The following DLGAP4 variants were observed in gnomAD, a reference collection of about 807,000 sequenced individuals.
DLGAP4 encodes the protein DLG associated protein 4, also known as disks large-associated protein 4.
DLGAP4 carries 18 observed loss-of-function variants against 86.9 expected under a neutral mutation model. The observed-to-expected ratio is 0.21, with a 90% CI of 0.14 to 0.31. The LOEUF is 0.31. Among genes scored for constraint, DLGAP4 ranks in the 10% least tolerant of loss-of-function variants. The pLI is 1.00. For synonymous variants in DLGAP4, 548 were observed against 574.3 expected (o/e 0.95, Z 0.65); for missense variants, 1,085 against 1,362.6 (o/e 0.80, Z 3.21).
At chr20:36,501,724 A>G (rs544720723) in intron 10 of DLGAP4, among the ~76,000 whole-genome samples, 1 of 152,236 alleles carries the variant, frequency 6.6e-6, no homozygotes, top group Admixed American at 6.5e-5. Flanking sequence ...CATCCCATAC[A>G]TGATGGAGGG....
In DLGAP4 at chr20:36,497,496, T is replaced by C. The variant is rs1227905128; in HGVS notation, c.2010+430T>C. On this transcript the variant is annotated intron_variant, in intron 8 of 12. Transcript: ENST00000339266. The stretch of plus-strand genomic sequence containing the variant: ...GCCCCGCTTGGCGGCAGGAGCAGCA[T>C]GGAGCATAGACGCTGTTGGGCCAGG... 6 of 1,019,034 alleles carry C rather than the reference T, an allele frequency of 5.9e-6. No individual in the cohort carries two copies. The East Asian group carries it at 5.7e-4, about 97-fold the overall frequency. 63.1% of individuals were successfully genotyped at this position (1,019,034 alleles called of 1,614,324 possible). A position where few individuals can be genotyped will look rare whatever the true frequency, so the allele number is the denominator to read the frequency against.
rs369487613 is a variant in DLGAP4, at chr20:36,462,617, C to T, written c.1648+15680C>T. ...GAAGCAATGTGAGTGGTGGGGTGTC[C>T]GGGTCGGGCCGGAGTTGGCCCGCAG... On this transcript the variant is annotated intron_variant, in intron 7 of 12. Coordinates refer to ENST00000339266, the MANE Select transcript of DLGAP4 (RefSeq NM_001365621.2). 286 of 1,586,904 alleles carry T rather than the reference C, an allele frequency of 1.8e-4. 2 individuals carry two copies. The highest frequency in any genetic ancestry group is 1.3e-3 in the Middle Eastern group (8 of 5,968).
chr20:36,520,466 AC>A (rs1306188127), intron 10 of DLGAP4, among the ~76,000 whole-genome samples: 1 of 150,528 alleles, frequency 6.6e-6, no homozygotes, highest in Non-Finnish European at 1.5e-5. Context: ...CTGCCTCAGC[AC>A]CCCCGAGTAG....
chr20:36,398,742 C>T (rs978662702), intron 2 of DLGAP4, among the ~76,000 whole-genome samples: 1 of 152,244 alleles, frequency 6.6e-6, no homozygotes, highest in African/African-American at 2.4e-5. Flanking sequence ...CAAGGTCACA[C>T]AGCTCCAAAT....
intron 1 of DLGAP4, among the ~76,000 whole-genome samples, chr20:36,317,355 C>G (rs1336718265): frequency 6.8e-6 from 1 of 147,196 alleles, no homozygotes; most frequent in Non-Finnish European, 1.5e-5. Context: ...TTCCTTCTCT[C>G]TTTCTTTCTT....
At chr20:36,344,950 C>A (rs2029892452) in intron 1 of DLGAP4, among the ~76,000 whole-genome samples, 1 of 152,208 alleles carries the variant, frequency 6.6e-6, no homozygotes, top group Admixed American at 6.5e-5. Flanking sequence ...CACCTCCACA[C>A]CCCTCCTGGG....
intron 1 of DLGAP4, among the ~76,000 whole-genome samples, chr20:36,327,379 C>T (rs1047434024): frequency 2.0e-5 from 3 of 151,856 alleles, no homozygotes; most frequent in Non-Finnish European, 2.9e-5. Context: ...ATTTTTTGTC[C>T]TTGGGTTCAT....
At chr20:36,410,210 C>T (rs2032459880) in intron 2 of DLGAP4, among the ~76,000 whole-genome samples, 1 of 152,084 alleles carries the variant, frequency 6.6e-6, no homozygotes, top group Non-Finnish European at 1.5e-5. Context: ...CCTGCCTCTA[C>T]CACCTCAAGC....
chr20:36,520,820 TTA>T (rs2037334352), intron 10 of DLGAP4, among the ~76,000 whole-genome samples: 1 of 150,990 alleles, frequency 6.6e-6, no homozygotes, highest in African/African-American at 2.5e-5. Flanking sequence ...AGATTTGGTC[TTA>T]TGTTTTCATC....
chr20:36,334,667 G>T (rs557061512), intron 1 of DLGAP4, among the ~76,000 whole-genome samples: 1 of 152,162 alleles, frequency 6.6e-6, no homozygotes, highest in Admixed American at 6.5e-5. Context: ...GCTGGATTTT[G>T]TACTGGGCTA....
intron 7 of DLGAP4, chr20:36,462,639 G>T (rs774354747): frequency 1.2e-5 from 18 of 1,563,398 alleles, no homozygotes; most frequent in African/African-American, 1.4e-5. Flanking sequence ...GAGTTGGCCC[G>T]CAGGCTGGCC....
intron 10 of DLGAP4, among the ~76,000 whole-genome samples, chr20:36,523,657 T>C (rs1463273217): frequency 6.6e-6 from 1 of 152,194 alleles, no homozygotes; most frequent in African/African-American, 2.4e-5. Context: ...AAAATATTTA[T>C]GAGTCTAATC....
chr20:36,396,550 CCACAGACACA>C, intron 2 of DLGAP4, among the ~76,000 whole-genome samples: 1 of 150,484 alleles, frequency 6.6e-6, no homozygotes, highest in Non-Finnish European at 1.5e-5. Context: ...CACACACACA[CCACAGACACA>C]CACATACACA....
intron 7 of DLGAP4, among the ~76,000 whole-genome samples, chr20:36,472,633 T>C (rs1350576550): frequency 6.6e-6 from 1 of 152,066 alleles, no homozygotes; most frequent in Non-Finnish European, 1.5e-5. Flanking sequence ...TCAGCTCACT[T>C]CTGCTTGGAT....
chr20:36,488,474 A>G (rs1229356713), intron 7 of DLGAP4, among the ~76,000 whole-genome samples: 1 of 152,124 alleles, frequency 6.6e-6, no homozygotes, highest in African/African-American at 2.4e-5. Context: ...ATGCTAAACC[A>G]TTGCTCTTCT....
chr20:36,491,193 A>AC (rs1428487352), intron 7 of DLGAP4, among the ~76,000 whole-genome samples: 3 of 147,536 alleles, frequency 2.0e-5, no homozygotes, highest in Non-Finnish European at 4.5e-5. Context: ...CTCTGTCTCA[A>AC]AAAAAAAAAA....
At chr20:36,433,649 C>CA (rs1850148864) in intron 3 of DLGAP4, among the ~76,000 whole-genome samples, 1 of 141,950 alleles carries the variant, frequency 7.0e-6, no homozygotes, top group Non-Finnish European at 1.6e-5. Flanking sequence ...ATGAGTATTT[C>CA]TTTTTTTTTT....
At chr20:36,435,064 A>G (rs998211023) in intron 3 of DLGAP4, among the ~76,000 whole-genome samples, 3 of 150,790 alleles carry the variant, frequency 2.0e-5, no homozygotes, top group Non-Finnish European at 2.9e-5. Context: ...CTCTGTGTAT[A>G]TGCTGCATAC....
intron 10 of DLGAP4, among the ~76,000 whole-genome samples, chr20:36,518,403 T>A (rs1168938483): frequency 6.6e-6 from 1 of 152,204 alleles, no homozygotes; most frequent in Non-Finnish European, 1.5e-5. Context: ...ATCCTCTTAT[T>A]TTTATTAATT....
Sources: gnomAD v4.1 joint callset for allele counts (sites outside exome capture counted in the v4.1 genomes callset) on GRCh38, gnomAD v4.1.1 for gene constraint, MANE v1.5 for transcripts, NCBI Gene and HGNC (gene_info 2026-07-23, HGNC 2026-07-21) for gene names.